SPOCK1: variants seen among roughly 807,000 people sequenced by gnomAD.
The protein encoded by SPOCK1 is SPARC (osteonectin), cwcv and kazal like domains proteoglycan 1, also known as testican-1.
Under a neutral mutation model 55.3 loss-of-function variants are expected in SPOCK1, and 23 were observed. The ratio of observed to expected loss-of-function variants is 0.42; its 90% CI spans 0.30 to 0.59. The LOEUF is 0.59. Ranked by LOEUF, SPOCK1 falls within the 20% of genes least tolerant of loss-of-function variation. The pLI, the probability that SPOCK1 is intolerant of heterozygous loss-of-function variation, is 0.22. For synonymous variants in SPOCK1, 226 were observed against 221.0 expected, an observed-to-expected ratio of 1.02 and a Z score of -0.20; for missense variants, 499 against 552.5, an observed-to-expected ratio of 0.90 and a Z score of 0.97.
At chr5:137,421,837 G>T (rs373683199) in intron 2 of SPOCK1, among the ~76,000 whole-genome samples, 1 of 152,064 alleles carries the variant, frequency 6.6e-6, no homozygotes, top group Non-Finnish European at 1.5e-5. Flanking sequence ...TGATCCTGTC[G>T]TTATGATGTT....
At chr5:137,014,194 T>C (rs1046846900) in intron 6 of SPOCK1, among the ~76,000 whole-genome samples, 8 of 152,176 alleles carry the variant, frequency 5.3e-5, no homozygotes, top group African/African-American at 1.7e-4. Flanking sequence ...TGCTTTGTTC[T>C]GTTTTTGCCA....
At position 137,066,987 on chromosome 5, in the gene SPOCK1, C is replaced by CACACACAGAGAG. The variant is rs1343691789; in HGVS notation, c.589+727_589+728insCTCTCTGTGTGT. Among the ~76,000 whole-genome samples the CACACACAGAGAG allele has an allele frequency of 3.7e-3, 517 of 139,638 alleles. 1 individual carries two copies. Among genetic ancestry groups the CACACACAGAGAG allele is most frequent in the Non-Finnish European group, 6.9e-3 (445 of 64,594 alleles). 91.6% of individuals were successfully genotyped at this position (139,638 alleles called of 152,430 possible). On this transcript the variant is annotated intron_variant, in intron 6 of 10. Transcript: ENST00000394945. ...ATACACACACACACACACACACACACAGAGAGAGAGAGAGAGAGAGAGAAA... is the reference window on the plus strand; with the variant it reads ...ATACACACACACACACACACACACACACACACAGAGAGAGAGAGAGAGAGAGAGAGAGAGAAA...
At chr5:137,112,408 A>C (rs1265384206) in intron 5 of SPOCK1, 27 bp downstream of exon 5, 44 of 1,606,044 alleles carry the variant, frequency 2.7e-5, no homozygotes, top group Non-Finnish European at 3.5e-5. Flanking sequence ...AGTATTTTTG[A>C]TAACATAAAA....
At chr5:137,348,468 A>AGGGGTG (rs1331780833) in intron 2 of SPOCK1, among the ~76,000 whole-genome samples, 8 of 5,130 alleles carry the variant, frequency 1.6e-3, no homozygotes, top group Admixed American at 9.2e-3. Context: ...GCAATCCCAG[A>AGGGGTG]GGGGTGGGGG....
rs372232956 is a variant in SPOCK1, at chr5:137,439,891, C to A, written c.186+58482G>T. On this transcript the variant is annotated intron_variant, in intron 2 of 10. Transcript: ENST00000394945. ...TAATCAAACAGCCCAGCCAGATCAC[C>A]CTACAGTGAAGCTCAGTGTCAACTA... Among the ~76,000 whole-genome samples the A allele has an allele frequency of 1.3e-3, 197 of 152,276 alleles. 1 individual carries two copies. The highest frequency in any genetic ancestry group is 4.5e-3 in the African/African-American group (189 of 41,546).
intron 2 of SPOCK1, among the ~76,000 whole-genome samples, chr5:137,325,789 T>G (rs1452476007): frequency 6.6e-6 from 1 of 152,212 alleles, no homozygotes; most frequent in Non-Finnish European, 1.5e-5. Context: ...CACAGAGTGA[T>G]GGGCAGTGGT....
chr5:137,407,777 C>T (rs184581447), intron 2 of SPOCK1, among the ~76,000 whole-genome samples: 1 of 152,328 alleles, frequency 6.6e-6, no homozygotes, highest in East Asian at 1.9e-4. Context: ...CCACTGCGCA[C>T]CTATCAGCAG....
chr5:137,376,798 C>T (rs1012296725), intron 2 of SPOCK1, among the ~76,000 whole-genome samples: 1 of 151,742 alleles, frequency 6.6e-6, no homozygotes, highest in African/African-American at 2.4e-5. Context: ...TATATAGATG[C>T]ATAGAAAAAA....
At chr5:137,307,652 C>G (rs1398231732) in intron 2 of SPOCK1, among the ~76,000 whole-genome samples, 2 of 152,216 alleles carry the variant, frequency 1.3e-5, no homozygotes, top group Admixed American at 1.3e-4. Flanking sequence ...CAAAGGCCAG[C>G]AGGCTTTTAG....
chr5:137,185,504 T>G (rs1201049745), intron 3 of SPOCK1, among the ~76,000 whole-genome samples: 1 of 152,238 alleles, frequency 6.6e-6, no homozygotes, highest in East Asian at 1.9e-4. Flanking sequence ...CTCTTTTTAA[T>G]TCAGGAAATA....
intron 2 of SPOCK1, among the ~76,000 whole-genome samples, chr5:137,482,807 T>C (rs1438178162): frequency 1.3e-5 from 2 of 152,186 alleles, no homozygotes; most frequent in South Asian, 4.1e-4. Flanking sequence ...CTGGAGACTG[T>C]CAGTTCTCTT....
intron 5 of SPOCK1, among the ~76,000 whole-genome samples, chr5:137,071,891 T>G (rs1752621284): frequency 6.6e-6 from 1 of 152,176 alleles, no homozygotes. Context: ...CATTCCAGCT[T>G]TACACTAAGG....
At chr5:137,230,937 G>GTA (rs1756041998) in intron 3 of SPOCK1, among the ~76,000 whole-genome samples, 1 of 147,574 alleles carries the variant, frequency 6.8e-6, no homozygotes, top group African/African-American at 2.6e-5. Flanking sequence ...GTATGTGTGT[G>GTA]TATGTATGCC....
At chr5:137,012,205 A>G (rs1038220417) in intron 6 of SPOCK1, among the ~76,000 whole-genome samples, 59 of 152,276 alleles carry the variant, frequency 3.9e-4, no homozygotes, top group African/African-American at 1.4e-3. Flanking sequence ...AAGAAGTTAC[A>G]AAACATGTCT....
In SPOCK1 at chr5:137,302,053, C is replaced by T. The variant is rs376600752; in HGVS notation, c.187-34998G>A. On this transcript the variant is annotated intron_variant, in intron 2 of 10. Coordinates refer to ENST00000394945, the MANE Select transcript of SPOCK1 (RefSeq NM_004598.4). The stretch of plus-strand genomic sequence containing the variant: ...TCTTGAAGAGGCATCTTATAAACAG[C>T]CTGAACTTACTGCCAAATAATATTG... Among the ~76,000 whole-genome samples the T allele has an allele frequency of 5.3e-5, 8 of 152,232 alleles. No individual in the cohort carries two copies. In the East Asian group the frequency reaches 9.7e-4, roughly 18 times the overall value.
At chr5:137,149,140 G>A (rs967277992) in intron 3 of SPOCK1, among the ~76,000 whole-genome samples, 3 of 152,178 alleles carry the variant, frequency 2.0e-5, no homozygotes, top group Non-Finnish European at 4.4e-5. Context: ...TCTGACTTAA[G>A]AAACAATAGT....
At chr5:137,122,630 T>C (rs1228132454) in intron 4 of SPOCK1, among the ~76,000 whole-genome samples, 1 of 152,194 alleles carries the variant, frequency 6.6e-6, no homozygotes, top group East Asian at 1.9e-4. Flanking sequence ...CAAATACTCA[T>C]CAAGCAAACC....
At chr5:137,271,060 G>T (rs1756952491) in intron 2 of SPOCK1, among the ~76,000 whole-genome samples, 2 of 151,818 alleles carry the variant, frequency 1.3e-5, no homozygotes, top group Admixed American at 1.3e-4. Flanking sequence ...AAAGATCATG[G>T]TAAGAAAGTG....
chr5:137,310,580 C>A (rs960863148), intron 2 of SPOCK1, among the ~76,000 whole-genome samples: 1 of 152,116 alleles, frequency 6.6e-6, no homozygotes, highest in Non-Finnish European at 1.5e-5. Flanking sequence ...CTTTCTGTGA[C>A]GAAAGGAGAA....
Sources: allele counts gnomAD v4.1 joint callset (sites outside exome capture counted in the v4.1 genomes callset), GRCh38; gene constraint gnomAD v4.1.1; transcripts MANE v1.5; gene names NCBI Gene and HGNC (gene_info 2026-07-23, HGNC 2026-07-21).